BICC1: variants seen among roughly 807,000 people sequenced by gnomAD.
BICC1 encodes the protein BicC family RNA binding protein 1.
In BICC1, 43 loss-of-function variants were observed where a neutral mutation model predicts 111.0. That is an observed-to-expected ratio of 0.39 (90% CI 0.30 to 0.50). The LOEUF (loss-of-function observed/expected upper bound fraction) is 0.50, where lower values mean the gene tolerates loss of function less well. BICC1 is among the 20% of genes least tolerant of loss of function. The pLI, the probability that BICC1 is intolerant of heterozygous loss-of-function variation, is 0.88. For synonymous variants in BICC1, 467 were observed against 434.4 expected (o/e 1.07, Z -0.93); for missense variants, 1,091 against 1,203.2 (o/e 0.91, Z 1.38).
chr10:58,558,338 C>T (rs1056749544), intron 1 of BICC1, among the ~76,000 whole-genome samples: 7 of 152,088 alleles, frequency 4.6e-5, no homozygotes, highest in African/African-American at 1.7e-4. Context: ...AAACTCTAGG[C>T]GTCTTGGTCT....
intron 19 of BICC1, 151 bp downstream of exon 19, chr10:58,817,873 T>A: frequency 2.6e-6 from 2 of 779,742 alleles, no homozygotes; most frequent in Admixed American, 6.9e-5. Context: ...AAAAATGTCA[T>A]CTCATTTCTT....
chr10:58,690,811 A>G (rs1839886365), intron 2 of BICC1, among the ~76,000 whole-genome samples: 1 of 152,074 alleles, frequency 6.6e-6, no homozygotes, highest in Non-Finnish European at 1.5e-5. Flanking sequence ...TGAGTTGAGT[A>G]GTAAAATGTA....
chr10:58,798,271 C>T, intron 10 of BICC1, 128 bp from the exon 11 acceptor site: 7 of 716,626 alleles, frequency 9.8e-6, no homozygotes, highest in Non-Finnish European at 8.3e-6. Flanking sequence ...GAAAATCTGT[C>T]ATCCATATTT....
intron 1 of BICC1, among the ~76,000 whole-genome samples, chr10:58,529,856 AT>A (rs569168806): frequency 1.6e-3 from 244 of 152,010 alleles, no homozygotes; most frequent in Admixed American, 5.2e-3. Flanking sequence ...AATAGAGCAT[AT>A]TTGACCAAGT....
At chr10:58,640,360 G>A (rs1004213000) in intron 2 of BICC1, among the ~76,000 whole-genome samples, 2 of 152,184 alleles carry the variant, frequency 1.3e-5, no homozygotes, top group Non-Finnish European at 2.9e-5. Flanking sequence ...CTATAAACAG[G>A]TAGGGCTGTC....
chr10:58,609,868 AC>A (rs1321060132), intron 1 of BICC1, among the ~76,000 whole-genome samples: 6 of 152,228 alleles, frequency 3.9e-5, no homozygotes, highest in African/African-American at 9.6e-5. Flanking sequence ...TTCTAAAAAA[AC>A]ATTGAAATTA....
intron 1 of BICC1, among the ~76,000 whole-genome samples, chr10:58,599,010 C>T (rs956672103): frequency 1.3e-5 from 2 of 152,144 alleles, no homozygotes; most frequent in African/African-American, 4.8e-5. Flanking sequence ...ACAACAGATG[C>T]TGGAGAGGAT....
intron 3 of BICC1, among the ~76,000 whole-genome samples, chr10:58,773,458 T>C (rs146271220): frequency 6.6e-6 from 1 of 152,214 alleles, no homozygotes; most frequent in Non-Finnish European, 1.5e-5. Context: ...GAGCAAGCAA[T>C]GGATATTAAT....
At chr10:58,683,481 AT>A (rs1839606071) in intron 2 of BICC1, among the ~76,000 whole-genome samples, 1 of 152,136 alleles carries the variant, frequency 6.6e-6, no homozygotes, top group African/African-American at 2.4e-5. Flanking sequence ...CAGTATGGCC[AT>A]TTTCACGATA....
At position 58,787,037 on chromosome 10, in the gene BICC1, T is replaced by G; in HGVS notation, c.502T>G (p.Phe168Val). 6.2e-7 allele frequency: 1 copy of G among 1,602,264 alleles called. No homozygotes were observed. Residue 168 changes from phenylalanine to valine, a missense_variant, in exon 5 of 21, where the codon TTT becomes GTT. By Grantham distance (50) the Phe-to-Val change is conservative. This residue lies in a region of BICC1 where 843 missense variants were observed against 900.8 expected (regional missense o/e 0.94). Transcript: ENST00000373886. ...VMEETGCHIH[F>V]PDSNRNNQAE... is the part of the protein sequence containing the mutation. ...GGAAGAAACCGGATGCCATATCCAC[T>G]TTCCAGATTCCAACAGGAATAACCA...
At chr10:58,619,060 C>G (rs758620922) in intron 1 of BICC1, among the ~76,000 whole-genome samples, 2 of 152,106 alleles carry the variant, frequency 1.3e-5, no homozygotes, top group Non-Finnish European at 2.9e-5. Context: ...CTCTGAGCCC[C>G]CTCCTTCTTT....
intron 1 of BICC1, among the ~76,000 whole-genome samples, chr10:58,609,015 A>G (rs2132099762): frequency 6.6e-6 from 1 of 152,342 alleles, no homozygotes; most frequent in Admixed American, 6.5e-5. Context: ...AACTTTAAAC[A>G]TGCCTGGAAC....
intron 3 of BICC1, among the ~76,000 whole-genome samples, chr10:58,770,189 A>G (rs1314092560): frequency 1.3e-5 from 2 of 152,112 alleles, no homozygotes; most frequent in African/African-American, 4.8e-5. Flanking sequence ...GAAAAAATAT[A>G]TATTGTAGAA....
intron 1 of BICC1, among the ~76,000 whole-genome samples, chr10:58,588,772 G>A (rs1243592048): frequency 6.6e-6 from 1 of 152,024 alleles, no homozygotes; most frequent in African/African-American, 2.4e-5. Context: ...ATCCAATATC[G>A]AGTGCCAGGC....
intron 7 of BICC1, 68 bp downstream of exon 7, chr10:58,789,524 A>G (rs1297702903): frequency 1.3e-6 from 2 of 1,515,196 alleles, no homozygotes; most frequent in African/African-American, 1.4e-5. Context: ...TTTAAAGAAT[A>G]TTAGACTAAT....
intron 3 of BICC1, among the ~76,000 whole-genome samples, chr10:58,774,097 TC>T (rs1244488722): frequency 2.6e-5 from 4 of 152,352 alleles, no homozygotes; most frequent in Middle Eastern, 6.8e-3. Flanking sequence ...TGCCCTCTGT[TC>T]CAACCTTGTC....
At chr10:58,723,830 G>A (rs934697657) in intron 3 of BICC1, among the ~76,000 whole-genome samples, 12 of 152,190 alleles carry the variant, frequency 7.9e-5, no homozygotes, top group African/African-American at 2.9e-4. Flanking sequence ...GTGATAAAGT[G>A]CAATTTACAG....
chr10:58,603,198 AAGAG>A lies in BICC1; in HGVS notation c.191-17653_191-17650del, dbSNP rs773123055. Among the ~76,000 whole-genome samples, 4 of 152,306 alleles carry A rather than the reference AAGAG, an allele frequency of 2.6e-5. No individual in the cohort carries two copies. In the East Asian group the frequency reaches 5.8e-4, roughly 22 times the overall value. On this transcript the variant is annotated intron_variant, in intron 1 of 20. Transcript: ENST00000373886. Reference sequence around the variant, plus strand: ...CTCTTACTTGCCTCAGAGTAATTAAAAGAGAGAATTGTTTCCTCACATTTCTCTG... The same window carrying A: ...CTCTTACTTGCCTCAGAGTAATTAAAAGAATTGTTTCCTCACATTTCTCTG...
At chr10:58,791,572 C>A (rs749977711) in intron 8 of BICC1, among the ~76,000 whole-genome samples, 2 of 152,042 alleles carry the variant, frequency 1.3e-5, no homozygotes, top group Non-Finnish European at 2.9e-5. Flanking sequence ...CCCATCTCTA[C>A]TAAAAATACA....
Sources: allele counts gnomAD v4.1 joint callset (sites outside exome capture counted in the v4.1 genomes callset), GRCh38; gene constraint gnomAD v4.1.1; regional missense constraint gnomAD v4.1.1; transcripts MANE v1.5; gene names NCBI Gene and HGNC (gene_info 2026-07-23, HGNC 2026-07-21).